Variants in CERKL observed in about 807,000 individuals in gnomAD.
The protein encoded by CERKL is ceramide kinase-like protein.
In CERKL, 61 loss-of-function variants were observed where a neutral mutation model predicts 63.4. The ratio of observed to expected loss-of-function variants is 0.96; its 90% CI spans 0.78 to 1.19. CERKL has a LOEUF of 1.19. CERKL is among the 50% of genes most tolerant of loss of function. The pLI is 0.00. For missense variants in CERKL, 675 were observed against 655.5 expected (o/e 1.03, Z -0.33); for synonymous variants, 250 against 230.5 (o/e 1.08, Z -0.77).
chr2:181,577,733 A>G (rs1217044435), intron 2 of CERKL, among the ~76,000 whole-genome samples: 1 of 152,154 alleles, frequency 6.6e-6, no homozygotes, highest in Admixed American at 6.5e-5. Flanking sequence ...TTAGGCAGTG[A>G]CATGGGGTGG....
chr2:181,638,744 A>T (rs1480680119), intron 1 of CERKL, among the ~76,000 whole-genome samples: 1 of 152,214 alleles, frequency 6.6e-6, no homozygotes, highest in East Asian at 1.9e-4. Flanking sequence ...CTGTGACAGC[A>T]CAGCTGAAGT....
chr2:181,560,347 A>G (rs1688385632), intron 4 of CERKL, among the ~76,000 whole-genome samples: 2 of 152,202 alleles, frequency 1.3e-5, no homozygotes, highest in South Asian at 4.1e-4. Flanking sequence ...AGAATGTTGC[A>G]TACAATTATA....
intron 1 of CERKL, among the ~76,000 whole-genome samples, chr2:181,628,546 C>T (rs1214015168): frequency 6.6e-6 from 1 of 152,120 alleles, no homozygotes; most frequent in Non-Finnish European, 1.5e-5. Flanking sequence ...TAGTCCAAAG[C>T]CTCAGTATCA....
intron 4 of CERKL, chr2:181,565,525 C>T (rs779459612): frequency 6.4e-7 from 1 of 1,559,854 alleles, no homozygotes; most frequent in Non-Finnish European, 8.8e-7. Context: ...GAATAACATA[C>T]CTAAATTGTA....
At chr2:181,570,152 G>A (rs765174420) in intron 3 of CERKL, among the ~76,000 whole-genome samples, 27 of 152,298 alleles carry the variant, frequency 1.8e-4, no homozygotes, top group Admixed American at 3.3e-4. Context: ...CAGAGGAGGT[G>A]CCTTTTCTAA....
chr2:181,617,823 T>A (rs1421516921), intron 1 of CERKL, among the ~76,000 whole-genome samples: 1 of 152,240 alleles, frequency 6.6e-6, no homozygotes, highest in Non-Finnish European at 1.5e-5. Flanking sequence ...TAGCACTTGA[T>A]AAGTTTTGCT....
chr2:181,580,347 A>G (rs189352237), intron 2 of CERKL, among the ~76,000 whole-genome samples: 5 of 152,180 alleles, frequency 3.3e-5, no homozygotes, highest in Non-Finnish European at 7.4e-5. Flanking sequence ...TAGCCTGCAT[A>G]TATCAAAACT....
intron 2 of CERKL, among the ~76,000 whole-genome samples, chr2:181,575,981 A>C (rs1305668667): frequency 1.3e-5 from 2 of 152,108 alleles, no homozygotes; most frequent in African/African-American, 2.4e-5. Flanking sequence ...ACTTTACTCT[A>C]TGTTCCTCTA....
Position 181,558,769 on chromosome 2 carries a change from G to C in CERKL, c.678-61C>G, listed in dbSNP as rs755482464. ...TTCAGAATGATTGGTAATAAGTCAT[G>C]AAATCTAGACTTCAAAATAGTTTAC... On this transcript the variant is annotated intron_variant, in intron 4 of 12. Coordinates refer to ENST00000410087, the MANE Select transcript of CERKL (RefSeq NM_201548.5). The surrounding 1 kb of genome is among the most constrained non-coding windows in gnomAD (Gnocchi z 4.2). 1 of 1,548,606 alleles carries C rather than the reference G, an allele frequency of 6.5e-7. No homozygotes were observed. The highest frequency in any genetic ancestry group is 1.4e-5 in the African/African-American group (1 of 73,542).
chr2:181,563,142 A>T (rs750477760), intron 4 of CERKL, among the ~76,000 whole-genome samples: 1 of 152,056 alleles, frequency 6.6e-6, no homozygotes, highest in Non-Finnish European at 1.5e-5. Flanking sequence ...CCTTCCTAAA[A>T]CTTCCTACTC....
At chr2:181,624,720 G>T (rs534691794) in intron 1 of CERKL, among the ~76,000 whole-genome samples, 3 of 152,018 alleles carry the variant, frequency 2.0e-5, no homozygotes, top group Admixed American at 2.0e-4. Context: ...TTTGTTGATA[G>T]GTTGGATGTA....
chr2:181,588,556 C>T (rs924635109), intron 2 of CERKL, among the ~76,000 whole-genome samples: 2 of 152,124 alleles, frequency 1.3e-5, no homozygotes, highest in African/African-American at 4.8e-5. Flanking sequence ...CTGCAATAAT[C>T]ACTAAAATAC....
At chr2:181,644,915 G>T (rs1002609723) in intron 1 of CERKL, among the ~76,000 whole-genome samples, 6 of 152,210 alleles carry the variant, frequency 3.9e-5, no homozygotes, top group Non-Finnish European at 7.3e-5. Flanking sequence ...TTCAATTACA[G>T]GATGGTAAAA....
At chr2:181,541,000 A>C (rs1559068039) in intron 11 of CERKL, among the ~76,000 whole-genome samples, 1 of 152,240 alleles carries the variant, frequency 6.6e-6, no homozygotes, top group Non-Finnish European at 1.5e-5. Flanking sequence ...ACCATGGTCA[A>C]GCAACTACAC....
intron 12 of CERKL, among the ~76,000 whole-genome samples, chr2:181,538,805 G>A (rs956685002): frequency 6.6e-6 from 1 of 152,090 alleles, no homozygotes; most frequent in African/African-American, 2.4e-5. Context: ...AATCCAAAAT[G>A]GAAGTTGTAG....
At chr2:181,653,542 T>C (rs1688023109) in intron 1 of CERKL, among the ~76,000 whole-genome samples, 1 of 152,180 alleles carries the variant, frequency 6.6e-6, no homozygotes, top group South Asian at 2.1e-4. Context: ...GAAAATGTGA[T>C]ACAGAAACAT....
At chr2:181,652,171 C>A (rs1687967590) in intron 1 of CERKL, among the ~76,000 whole-genome samples, 1 of 151,600 alleles carries the variant, frequency 6.6e-6, no homozygotes, top group Non-Finnish European at 1.5e-5. Context: ...TGCAGAACCA[C>A]AAAAAAAACC....
intron 1 of CERKL, among the ~76,000 whole-genome samples, chr2:181,633,358 G>T (rs1055204109): frequency 5.3e-5 from 8 of 152,210 alleles, no homozygotes; most frequent in African/African-American, 1.9e-4. Flanking sequence ...GAGGACAACA[G>T]CTGATACACA....
In CERKL at chr2:181,539,113, A is replaced by G; in HGVS notation, c.1517T>C (p.Val506Ala). Residue 506 changes from valine (V) to alanine (A), a missense_variant, in exon 12 of 13, where the codon GTT (valine) becomes GCT (alanine). Transcript: ENST00000410087. ...PWNVDGDLME[V>A]ASEVHIRLHP... ...TTACCTAATATGGACCTCTGATGCA[A>G]CTTCCATTAAGTCACCATCTACATT... 6.2e-7 allele frequency: 1 copy of G among 1,606,234 alleles called. No individual in the cohort carries two copies. The highest frequency in any genetic ancestry group is 8.5e-7 in the Non-Finnish European group (1 of 1,173,028).
Sources: gnomAD v4.1 joint callset for allele counts (sites outside exome capture counted in the v4.1 genomes callset) on GRCh38, gnomAD v4.1.1 for gene constraint, Gnocchi (gnomAD v3.1) non-coding constraint, MANE v1.5 for transcripts, NCBI Gene and HGNC (gene_info 2026-07-23, HGNC 2026-07-21) for gene names.